Variants in TACC1 observed in about 807,000 individuals in gnomAD.
The protein encoded by TACC1 is transforming acidic coiled-coil-containing protein 1.
TACC1 carries 48 observed loss-of-function variants against 84.4 expected under a neutral mutation model. The observed-to-expected ratio is 0.57, with a 90% CI of 0.45 to 0.72. TACC1 has a LOEUF of 0.72. Among genes scored for constraint, TACC1 ranks in the 30% least tolerant of loss-of-function variants. The pLI is 0.00. For missense variants in TACC1, 920 were observed against 973.0 expected (o/e 0.95, Z 0.72); for synonymous variants, 372 against 376.3 (o/e 0.99, Z 0.13).
intron 1 of TACC1, chr8:38,728,783 C>G (rs985527583): frequency 2.0e-5 from 3 of 152,222 alleles, no homozygotes; most frequent in Non-Finnish European, 4.4e-5. Context: ...GGGTATGCGC[C>G]GGGTGGTGGG....
chr8:38,814,665 A>G (rs939389814), intron 2 of TACC1, among the ~76,000 whole-genome samples: 3 of 152,192 alleles, frequency 2.0e-5, no homozygotes, highest in African/African-American at 7.2e-5. Flanking sequence ...GCAACACATA[A>G]CTGTATTCCC....
intron 1 of TACC1, among the ~76,000 whole-genome samples, chr8:38,731,799 T>C (rs1222308431): frequency 6.6e-6 from 1 of 152,100 alleles, no homozygotes; most frequent in Non-Finnish European, 1.5e-5. Flanking sequence ...CATTGCCAAA[T>C]TACATCCTTG....
At chr8:38,766,174 C>A (rs1812210511) in intron 3 of TACC1, among the ~76,000 whole-genome samples, 1 of 152,228 alleles carries the variant, frequency 6.6e-6, no homozygotes, top group African/African-American at 2.4e-5. Flanking sequence ...TGATGAGTGA[C>A]TATCCACAAG....
chr8:38,840,441 C>T, intron 9 of TACC1, 174 bp downstream of exon 9: 1 of 533,136 alleles, frequency 1.9e-6, no homozygotes, highest in South Asian at 2.5e-5. Flanking sequence ...GGGGAGGGCC[C>T]ATTCCTCATA....
At chr8:38,831,084 C>T (rs369287658) in intron 5 of TACC1, 41 bp from the exon 6 acceptor site, 37 of 1,607,482 alleles carry the variant, frequency 2.3e-5, no homozygotes, top group African/African-American at 1.5e-4. Flanking sequence ...GGAAAGGAAC[C>T]GACTTCTTGG....
At chr8:38,787,105 C>T (rs1817347203), upstream of TACC1, 3 of 980,224 alleles carry the variant, frequency 3.1e-6, no homozygotes, top group South Asian at 4.7e-5. Context: ...CCGGCGGGCG[C>T]GCGGCCGTCT....
intron 3 of TACC1, among the ~76,000 whole-genome samples, 188 bp downstream of exon 3, chr8:38,820,823 G>A (rs1826615051): frequency 6.6e-6 from 1 of 152,152 alleles, no homozygotes; most frequent in South Asian, 2.1e-4. Flanking sequence ...AAATACCAGA[G>A]GTTTCCTTTT....
chr8:38,736,164 C>G (rs759359738), intron 1 of TACC1, among the ~76,000 whole-genome samples: 3 of 152,202 alleles, frequency 2.0e-5, no homozygotes, highest in Non-Finnish European at 2.9e-5. Flanking sequence ...TCCTTTGCCT[C>G]TCTTGTATAA....
chr8:38,757,231 C>A, intron 3 of TACC1: 1 of 421,572 alleles, frequency 2.4e-6, no homozygotes, highest in Non-Finnish European at 3.6e-6. Flanking sequence ...CCTCCCTCGC[C>A]CCACCCTTCC....
intron 3 of TACC1, chr8:38,824,794 T>A (rs973346404): frequency 5.2e-5 from 8 of 154,008 alleles, no homozygotes; most frequent in African/African-American, 1.9e-4. Flanking sequence ...TTTACTTTTA[T>A]ACTTTTTATT....
chr8:38,772,231 A>G (rs551768110), intron 3 of TACC1, among the ~76,000 whole-genome samples: 29 of 152,354 alleles, frequency 1.9e-4, no homozygotes, highest in African/African-American at 6.7e-4. Context: ...GTTTAGGGGA[A>G]AGGCTGTCTC....
intron 2 of TACC1, among the ~76,000 whole-genome samples, chr8:38,813,365 A>G (rs1587911235): frequency 6.6e-6 from 1 of 152,296 alleles, no homozygotes; most frequent in East Asian, 1.9e-4. Flanking sequence ...CCCAGGCCTT[A>G]GAGTTTCGAC....
intron 1 of TACC1, among the ~76,000 whole-genome samples, chr8:38,729,594 C>T (rs549406725): frequency 5.9e-5 from 9 of 152,268 alleles, no homozygotes; most frequent in Admixed American, 1.3e-4. Context: ...TGTGGCCGGG[C>T]GCGGTGGCTC....
In TACC1 at chr8:38,821,050, C is replaced by A. The variant is rs145057939; in HGVS notation, c.1391+415C>A. 1.8e-3 allele frequency among the ~76,000 whole-genome samples: 271 copies of A among 152,034 alleles called. 4 individuals carry two copies. The highest frequency in any genetic ancestry group is 6.8e-3 in the Middle Eastern group (2 of 294). ...GTGAAACCTGTCTCTACTAAAAATG[C>A]AAAAATTAGCTGGGCGTGGTGGTGC... On this transcript the variant is annotated intron_variant, in intron 3 of 12. Coordinates refer to ENST00000317827, the MANE Select transcript of TACC1 (RefSeq NM_006283.3).
At chr8:38,763,483 A>G (rs965861045) in intron 3 of TACC1, among the ~76,000 whole-genome samples, 1 of 152,160 alleles carries the variant, frequency 6.6e-6, no homozygotes, top group African/African-American at 2.4e-5. Context: ...TAAACAAGAC[A>G]TCACTTTGGA....
At chr8:38,751,985 G>A (rs971863975) in intron 3 of TACC1, among the ~76,000 whole-genome samples, 1 of 152,154 alleles carries the variant, frequency 6.6e-6, no homozygotes, top group Non-Finnish European at 1.5e-5. Flanking sequence ...AGGCCCGAAT[G>A]TGGTTACTTT....
At chr8:38,769,707 T>A (rs1440905902) in intron 3 of TACC1, among the ~76,000 whole-genome samples, 2 of 133,250 alleles carry the variant, frequency 1.5e-5, no homozygotes, top group East Asian at 4.4e-4. Flanking sequence ...TGATTGTGTG[T>A]GTGGTGTGTG....
rs545859718 is a variant in TACC1 at position 38,757,525 on chromosome 8, C to T, written c.26+12032C>T. ...GGGAAGGTGGGGTTCCCGCTGGCGG[C>T]AGCGGGGCACGAGCGCTCGGCAGCG... On this transcript the variant is annotated intron_variant, in intron 3 of 14. Transcript: ENST00000518415. 4.1e-4 allele frequency: 448 copies of T among 1,094,024 alleles called. 1 individual carries two copies. Among genetic ancestry groups the T allele is most frequent in the Non-Finnish European group, 4.7e-4 (415 of 889,582 alleles). The allele number at this position is 1,094,024 out of a possible 1,614,324, so 67.8% of individuals were successfully genotyped here.
Position 38,842,284 on chromosome 8 carries a change from CAGA to C in TACC1, c.1962_1964del (p.Glu654del). 1.2e-6 allele frequency: 2 copies of C among 1,604,530 alleles called. No individual in the cohort carries two copies. The highest frequency in any genetic ancestry group is 1.7e-6 in the Non-Finnish European group (2 of 1,177,568). ...GTCATTCCTTTTGACTTGTGATTCC[CAGA>C]AGATGAACAAAGGACAAGTATGACC... On this transcript the variant is annotated splice_acceptor_variant and coding_sequence_variant, in exon 10 of 13. Coordinates refer to ENST00000317827, the MANE Select transcript of TACC1 (RefSeq NM_006283.3). LOFTEE classifies it high-confidence loss of function.
Sources: allele counts gnomAD v4.1 joint callset (sites outside exome capture counted in the v4.1 genomes callset), GRCh38; gene constraint gnomAD v4.1.1; transcripts MANE v1.5; gene names NCBI Gene and HGNC (gene_info 2026-07-23, HGNC 2026-07-21).